Variants in TNFSF11 observed in about 807,000 individuals in gnomAD.
TNFSF11 encodes TNF superfamily member 11, also known as tumor necrosis factor ligand superfamily member 11.
In TNFSF11, 12 loss-of-function variants were observed where a neutral mutation model predicts 32.2. The observed-to-expected ratio is 0.37, with a 90% CI of 0.24 to 0.60. The LOEUF (loss-of-function observed/expected upper bound fraction) is 0.60. Among genes scored for constraint, TNFSF11 ranks in the 20% least tolerant of loss-of-function variants. The pLI is 0.66. For missense variants in TNFSF11, 345 were observed against 398.0 expected (o/e 0.87, Z 1.13); for synonymous variants, 172 against 152.1 (o/e 1.13, Z -0.96).
At position 42,592,977 on chromosome 13, in the gene TNFSF11, T is replaced by A. The variant is rs529456919; in HGVS notation, c.388-7775T>A. 2.0e-5 allele frequency among the ~76,000 whole-genome samples: 3 copies of A among 152,254 alleles called. No homozygotes were observed. The South Asian group carries it at 6.2e-4, about 32-fold the overall frequency. On this transcript the variant is annotated intron_variant, in intron 2 of 4. Transcript: ENST00000398795. ...TGCGGAACCGTAAGCCAATTAAACC[T>A]CTTTCATTTATAAATTACCCAGTCT...
intron 2 of TNFSF11, among the ~76,000 whole-genome samples, chr13:42,594,004 C>G (rs1026373350): frequency 6.6e-6 from 1 of 152,234 alleles, no homozygotes; most frequent in African/African-American, 2.4e-5. Flanking sequence ...CAGACTCCAG[C>G]AACTTGACCT....
intron 2 of TNFSF11, among the ~76,000 whole-genome samples, chr13:42,589,191 A>T (rs1179648862): frequency 6.6e-6 from 1 of 152,168 alleles, no homozygotes; most frequent in Non-Finnish European, 1.5e-5. Context: ...GGTGAATGAC[A>T]ATACCATTAT....
intron 4 of TNFSF11, among the ~76,000 whole-genome samples, chr13:42,604,502 G>T (rs1869345288): frequency 6.6e-6 from 1 of 152,172 alleles, no homozygotes; most frequent in African/African-American, 2.4e-5. Flanking sequence ...CAGAGGGATT[G>T]GAACCATTGA....
chr13:42,587,952 A>T (rs1469202795), intron 2 of TNFSF11, among the ~76,000 whole-genome samples: 1 of 152,174 alleles, frequency 6.6e-6, no homozygotes, highest in Non-Finnish European at 1.5e-5. Context: ...AAAGGAGAGG[A>T]GGGATTAAAC....
intron 2 of TNFSF11, 107 bp from the exon 3 acceptor site, chr13:42,600,645 G>A (rs994818696): frequency 8.1e-7 from 1 of 1,234,252 alleles, no homozygotes. Context: ...TGGCACCTTT[G>A]GAAGGAAAAG....
chr13:42,574,072 C>T, upstream of TNFSF11: 1 of 569,692 alleles, frequency 1.8e-6, no homozygotes, highest in South Asian at 2.1e-5. Flanking sequence ...GTGGAAGAGG[C>T]AGCCTCGCCT....
rs748365035 is a variant in TNFSF11, at chr13:42,600,740, T to C, written c.388-12T>C. On this transcript the variant is annotated splice_polypyrimidine_tract_variant and intron_variant, in intron 2 of 4. Coordinates refer to ENST00000398795, the MANE Select transcript of TNFSF11 (RefSeq NM_003701.4). ...ATTTTATAAATAAAATTATTTTTCC[T>C]TTTTATTTCAGGAATTACAACATAT... is the stretch of plus-strand genomic sequence containing the variant. 1 of 1,610,740 alleles carries C rather than the reference T, an allele frequency of 6.2e-7. No homozygotes were observed.
At chr13:42,575,210 A>C (rs1873252464) in intron 1 of TNFSF11, among the ~76,000 whole-genome samples, 1 of 152,144 alleles carries the variant, frequency 6.6e-6, no homozygotes, top group South Asian at 2.1e-4. Context: ...TGGGCGGAGG[A>C]AGGAAGCGAG....
Position 42,606,528 on chromosome 13 carries a change from C to T in TNFSF11, c.564C>T (p.Tyr188=), listed in dbSNP as rs1467222312. 2 of 1,614,192 alleles carry T rather than the reference C, an allele frequency of 1.2e-6. No homozygotes were observed. The highest frequency in any genetic ancestry group is 2.2e-5 in the East Asian group (1 of 44,890). ...ATAAAGTGAGTCTGTCCTCTTGGTA[C>T]CATGATCGGGGTTGGGCCAAGATCT... The part of the protein sequence containing the change: ...GSHKVSLSSW[Y]HDRGWAKISN... The change falls in exon 5 of 5, where the codon TAC becomes TAT. Residue 188 remains tyrosine, a synonymous_variant. Coordinates refer to ENST00000398795, the MANE Select transcript of TNFSF11 (RefSeq NM_003701.4).
At chr13:42,590,842 A>G (rs1325386846) in intron 2 of TNFSF11, among the ~76,000 whole-genome samples, 1 of 152,234 alleles carries the variant, frequency 6.6e-6, no homozygotes, top group Non-Finnish European at 1.5e-5. Flanking sequence ...AAACAATAAA[A>G]ACTAATTTTC....
intron 1 of TNFSF11, among the ~76,000 whole-genome samples, chr13:42,580,591 TG>T (rs1449678678): frequency 6.6e-6 from 1 of 152,106 alleles, no homozygotes; most frequent in Non-Finnish European, 1.5e-5. Context: ...GGTAAAAAAG[TG>T]GATTTTTCTC....
At chr13:42,569,644 T>C (rs1246422507), upstream of TNFSF11, among the ~76,000 whole-genome samples, 1 of 151,302 alleles carries the variant, frequency 6.6e-6, no homozygotes, top group Non-Finnish European at 1.5e-5. Context: ...GAATCAGAGG[T>C]CAGAGACTGG....
chr13:42,573,966 C>T (rs1464097780), upstream of TNFSF11, among the ~76,000 whole-genome samples: 1 of 152,140 alleles, frequency 6.6e-6, no homozygotes, highest in African/African-American at 2.4e-5. Flanking sequence ...TAGCCCCCAG[C>T]CTCCTCCTTG....
chr13:42,581,773 T>A (rs1873629821), intron 2 of TNFSF11, among the ~76,000 whole-genome samples: 1 of 152,206 alleles, frequency 6.6e-6, no homozygotes, highest in Non-Finnish European at 1.5e-5. Context: ...TGCTGTCATC[T>A]GTGGTGAAGT....
At position 42,587,840 on chromosome 13, in the gene TNFSF11, A is replaced by T. The variant is rs372571476; in HGVS notation, c.387+6547A>T. Among the ~76,000 whole-genome samples the T allele has an allele frequency of 4.6e-5, 7 of 152,356 alleles. No individual in the cohort carries two copies. In the East Asian group the frequency reaches 1.3e-3, roughly 29 times the overall value. ...TCATTCCTATTTTTGAACTAATGTA[A>T]ATAAGAAATCAATGAAATTTAAATA... On this transcript the variant is annotated intron_variant, in intron 2 of 4. Coordinates refer to ENST00000398795, the MANE Select transcript of TNFSF11 (RefSeq NM_003701.4).
intron 1 of TNFSF11, 40 bp downstream of exon 1, chr13:42,574,562 C>T (rs1278077047): frequency 1.3e-6 from 2 of 1,588,834 alleles, no homozygotes; most frequent in Non-Finnish European, 1.7e-6. Context: ...GCTGAGAGCG[C>T]CCATCTCCTT....
chr13:42,605,715 T>C (rs376420645), intron 4 of TNFSF11, among the ~76,000 whole-genome samples: 119 of 152,306 alleles, frequency 7.8e-4, no homozygotes, highest in African/African-American at 2.3e-3. Context: ...GTCAGAAGGA[T>C]TGTGTGAAGT....
chr13:42,606,265 T>C (rs1472828819), intron 4 of TNFSF11, among the ~76,000 whole-genome samples: 1 of 152,226 alleles, frequency 6.6e-6, no homozygotes, highest in Non-Finnish European at 1.5e-5. Context: ...TATAGACGCC[T>C]TGAGGGCAGG....
At chr13:42,570,494 T>C (rs535711213), upstream of TNFSF11, among the ~76,000 whole-genome samples, 1 of 152,360 alleles carries the variant, frequency 6.6e-6, no homozygotes, top group South Asian at 2.1e-4. Context: ...CAGTGGAGTA[T>C]TGACATAAAC....
Sources: gnomAD v4.1 joint callset for allele counts (sites outside exome capture counted in the v4.1 genomes callset) on GRCh38, gnomAD v4.1.1 for gene constraint, MANE v1.5 for transcripts, NCBI Gene and HGNC (gene_info 2026-07-23, HGNC 2026-07-21) for gene names.